The following SLC25A47 variants were observed in gnomAD, a reference collection of about 807,000 sequenced individuals.
SLC25A47 encodes the protein HCC-down-regulated mitochondrial carrier protein.
Under a neutral mutation model 29.8 loss-of-function variants are expected in SLC25A47, and 30 were observed. The observed-to-expected ratio is 1.01, with a 90% CI of 0.75 to 1.36. The LOEUF (loss-of-function observed/expected upper bound fraction) is 1.36. SLC25A47 is among the 40% of genes most tolerant of loss of function. SLC25A47 has a pLI of 0.00. For missense variants in SLC25A47, 430 were observed against 441.9 expected (o/e 0.97, Z 0.24); for synonymous variants, 204 against 197.8 (o/e 1.03, Z -0.26).
intron 1 of SLC25A47, among the ~76,000 whole-genome samples, chr14:100,324,163 G>C (rs185811002): frequency 1.2e-3 from 190 of 152,254 alleles, no homozygotes; most frequent in Middle Eastern, 3.4e-3. Context: ...CATGGGGGTT[G>C]GGAGAGCGGC....
At chr14:100,325,319 G>A (rs1240245875) in intron 1 of SLC25A47, among the ~76,000 whole-genome samples, 2 of 152,172 alleles carry the variant, frequency 1.3e-5, no homozygotes, top group Non-Finnish European at 2.9e-5. Context: ...TGCCCAGGCT[G>A]TGCCTCCCCC....
At chr14:100,328,553 G>C (rs1893381280) in intron 4 of SLC25A47, among the ~76,000 whole-genome samples, 173 bp from the exon 5 acceptor site, 1 of 152,266 alleles carries the variant, frequency 6.6e-6, no homozygotes, top group Admixed American at 6.5e-5. Context: ...TTTGGCATTG[G>C]GTGGGCGGAG....
rs914656459 is a variant in SLC25A47, at chr14:100,329,187, C to A, written c.646+143C>A. 1.7e-5 allele frequency: 20 copies of A among 1,205,114 alleles called. No homozygotes were observed. In the South Asian group the frequency reaches 2.6e-4, roughly 15 times the overall value. 74.7% of individuals were successfully genotyped at this position (1,205,114 alleles called of 1,614,324 possible). ...AGAGTGGGCTCCTCAGTTCTCCCAA[C>A]ACCAAGAGTCAGGACAGACTTGCTG... is the stretch of plus-strand genomic sequence containing the variant. On this transcript the variant is annotated intron_variant, in intron 5 of 5. Coordinates refer to ENST00000361529, the MANE Select transcript of SLC25A47 (RefSeq NM_207117.4).
At chr14:100,329,149 C>T in intron 5 of SLC25A47, 105 bp downstream of exon 5, 2 of 1,337,616 alleles carry the variant, frequency 1.5e-6, no homozygotes, top group Non-Finnish European at 2.0e-6. Flanking sequence ...TTGAACTTGG[C>T]CTCCTGCCTC....
Position 100,329,026 on chromosome 14 carries a change from G to C in SLC25A47, c.628G>C (p.Ala210Pro). The C allele has an allele frequency of 1.3e-6, 2 of 1,599,136 alleles. No homozygotes were observed. Among genetic ancestry groups the C allele is most frequent in the Middle Eastern group, 1.7e-4 (1 of 6,056 alleles). Residue 210 changes from alanine (A) to proline (P), a missense_variant, in exon 5 of 6, where the codon GCT becomes CCT. Coordinates refer to ENST00000361529, the MANE Select transcript of SLC25A47 (RefSeq NM_207117.4). The stretch of plus-strand genomic sequence containing the variant: ...GGTCCTCTGCGAGTGGCTCAGCCCC[G>C]CTGGCCACAGCCGGCCAGGTGAGCA... ...YAVLCEWLSP[A>P]GHSRPDVPGV... is the part of the protein sequence containing the mutation.
At position 100,325,716 on chromosome 14, in the gene SLC25A47, G is replaced by T. The variant is rs567231947; in HGVS notation, c.29-72G>T. ...CCCAGTCAGCGTGCGCTCTGCTTCT[G>T]CTTCCCTGCAATGGGGTTGAACTGC... On this transcript the variant is annotated intron_variant, in intron 1 of 5. Coordinates refer to ENST00000361529, the MANE Select transcript of SLC25A47 (RefSeq NM_207117.4). 9 of 1,517,688 alleles carry T rather than the reference G, an allele frequency of 5.9e-6. No homozygotes were observed. In the South Asian group the frequency reaches 1.1e-4, roughly 18 times the overall value. The allele number at this position is 1,517,688 out of a possible 1,614,324, so 94.0% of individuals were successfully genotyped here.
At chr14:100,328,583 C>T (rs1005036316) in intron 4 of SLC25A47, 143 bp from the exon 5 acceptor site, 4 of 804,898 alleles carry the variant, frequency 5.0e-6, no homozygotes, top group African/African-American at 3.5e-5. Context: ...GGCCCCGTGG[C>T]CCCCCAGCCC....
intron 1 of SLC25A47, 63 bp from the exon 2 acceptor site, chr14:100,325,725 C>A (rs999019845): frequency 4.5e-6 from 7 of 1,547,276 alleles, no homozygotes; most frequent in Non-Finnish European, 6.2e-6. Flanking sequence ...TGCTTCCCTG[C>A]AATGGGGTTG....
intron 1 of SLC25A47, among the ~76,000 whole-genome samples, chr14:100,324,048 G>C (rs965620021): frequency 8.5e-5 from 13 of 152,100 alleles, no homozygotes; most frequent in African/African-American, 3.1e-4. Context: ...TGGGACACGG[G>C]CTCAGCTCCA....
At chr14:100,327,145 C>T (rs1893353600) in intron 3 of SLC25A47, 43 bp from the exon 4 acceptor site, 6 of 1,545,138 alleles carry the variant, frequency 3.9e-6, no homozygotes, top group Non-Finnish European at 5.2e-6. Context: ...GGTGGCTCCT[C>T]CTCCTGGCGG....
At position 100,327,104 on chromosome 14, in the gene SLC25A47, T is replaced by A. The variant is rs981063510; in HGVS notation, c.145-84T>A. ...ACCTTCCCGAGGTCCGACAGCGGAGTGCGGAGCAGGGCTGAGTGTGGGCTC... is the reference window on the plus strand; with the variant it reads ...ACCTTCCCGAGGTCCGACAGCGGAGAGCGGAGCAGGGCTGAGTGTGGGCTC... On this transcript the variant is annotated intron_variant, in intron 3 of 5. Transcript: ENST00000361529. 158 of 1,334,320 alleles carry A rather than the reference T, an allele frequency of 1.2e-4. 1 individual carries two copies. Among genetic ancestry groups the A allele is most frequent in the Middle Eastern group, 1.9e-4 (1 of 5,204 alleles). The allele number at this position is 1,334,320 out of a possible 1,614,324, so 82.7% of individuals were successfully genotyped here.
intron 3 of SLC25A47, 56 bp downstream of exon 3, chr14:100,326,284 C>A: frequency 6.7e-7 from 1 of 1,502,746 alleles, no homozygotes; most frequent in Non-Finnish European, 9.2e-7. Flanking sequence ...CTGGGCCTGC[C>A]TCCGCTGCCC....
Position 100,329,060 on chromosome 14 carries a change from A to T in SLC25A47, c.646+16A>T. On this transcript the variant is annotated intron_variant, in intron 5 of 5. Transcript: ENST00000361529. ...AGCCGGCCAGGTGAGCAGGGGCTGG[A>T]ACCTGGCAGGGCGGGGAGCCCAGAA... 6.3e-7 allele frequency: 1 copy of T among 1,595,934 alleles called. No individual in the cohort carries two copies. Among genetic ancestry groups the T allele is most frequent in the Non-Finnish European group, 8.5e-7 (1 of 1,178,748 alleles).
chr14:100,328,621 C>T (rs1243633878), intron 4 of SLC25A47, 105 bp from the exon 5 acceptor site: 2 of 1,262,582 alleles, frequency 1.6e-6, no homozygotes, highest in African/African-American at 3.0e-5. Context: ...TCTCGGGGCC[C>T]AACCTCCTGA....
intron 4 of SLC25A47, 142 bp from the exon 5 acceptor site, chr14:100,328,584 C>T (rs1056671547): frequency 9.7e-6 from 8 of 822,400 alleles, no homozygotes; most frequent in African/African-American, 1.7e-5. Context: ...GCCCCGTGGC[C>T]CCCCAGCCCT....
At chr14:100,323,718 G>A (rs1893289248) in intron 1 of SLC25A47, among the ~76,000 whole-genome samples, 1 of 152,102 alleles carries the variant, frequency 6.6e-6, no homozygotes, top group African/African-American at 2.4e-5. Context: ...CCGCTCGGGA[G>A]GCAGAGTCAG....
chr14:100,325,826 G>A lies in SLC25A47; in HGVS notation c.67G>A (p.Val23Met). ...GVAVGYPLDTVKVRIQTEPKY... is the reference protein window; with the variant it reads ...GVAVGYPLDTMKVRIQTEPKY... The stretch of plus-strand genomic sequence containing the variant: ...TGCTGTGGGCTACCCCCTGGACACG[G>A]TGAAGGTGCGGCAATAGCCAGCCCC... Residue 23 changes from valine to methionine, a missense_variant, in exon 2 of 6, where the codon GTG becomes ATG. Coordinates refer to ENST00000361529, the MANE Select transcript of SLC25A47 (RefSeq NM_207117.4). 1.2e-6 allele frequency: 2 copies of A among 1,612,272 alleles called. No homozygotes were observed. Among genetic ancestry groups the A allele is most frequent in the South Asian group, 2.2e-5 (2 of 90,552 alleles).
At chr14:100,325,396 C>T (rs901548211) in intron 1 of SLC25A47, among the ~76,000 whole-genome samples, 5 of 152,234 alleles carry the variant, frequency 3.3e-5, no homozygotes, top group African/African-American at 7.2e-5. Flanking sequence ...CATGGGCTGA[C>T]GGCTTGAGGG....
In SLC25A47 at chr14:100,325,835, C is replaced by T. The variant is rs775013552; in HGVS notation, c.72+4C>T. The T allele has an allele frequency of 3.2e-5, 52 of 1,610,948 alleles. No homozygotes were observed. Among genetic ancestry groups the T allele is most frequent in the East Asian group, 4.5e-5 (2 of 44,766 alleles). On this transcript the variant is annotated splice_donor_region_variant and intron_variant, in intron 2 of 5. Coordinates refer to ENST00000361529, the MANE Select transcript of SLC25A47 (RefSeq NM_207117.4). ...CTACCCCCTGGACACGGTGAAGGTG[C>T]GGCAATAGCCAGCCCCCCAACCATC... is the stretch of plus-strand genomic sequence containing the variant.
Sources: allele counts gnomAD v4.1 joint callset (sites outside exome capture counted in the v4.1 genomes callset), GRCh38; gene constraint gnomAD v4.1.1; transcripts MANE v1.5; gene names NCBI Gene and HGNC (gene_info 2026-07-23, HGNC 2026-07-21).